NXPH1: variants seen among roughly 807,000 people sequenced by gnomAD.
The protein encoded by NXPH1 is neurexophilin 1, also known as neurexophilin-1.
Under a neutral mutation model 23.7 loss-of-function variants are expected in NXPH1, and 5 were observed. That is an observed-to-expected ratio of 0.21 (90% CI 0.11 to 0.44). NXPH1 has a LOEUF of 0.44. Among genes scored for constraint, NXPH1 ranks in the 20% least tolerant of loss-of-function variants. The pLI is 0.99. For missense variants in NXPH1, 324 were observed against 321.6 expected (o/e 1.01, Z -0.06); for synonymous variants, 144 against 122.2 (o/e 1.18, Z -1.18).
At chr7:8,717,211 T>G (rs1279325365) in intron 2 of NXPH1, among the ~76,000 whole-genome samples, 1 of 152,204 alleles carries the variant, frequency 6.6e-6, no homozygotes, top group Non-Finnish European at 1.5e-5. Flanking sequence ...GAGTTAAGTG[T>G]GTCTCTAGCT....
chr7:8,640,628 T>G (rs1289830881), intron 2 of NXPH1, among the ~76,000 whole-genome samples: 1 of 152,128 alleles, frequency 6.6e-6, no homozygotes, highest in Non-Finnish European at 1.5e-5. Flanking sequence ...TTCTTATTCT[T>G]TTAGATAAAA....
intron 2 of NXPH1, among the ~76,000 whole-genome samples, chr7:8,491,235 C>T (rs1317425251): frequency 6.6e-6 from 1 of 151,976 alleles, no homozygotes; most frequent in Non-Finnish European, 1.5e-5. Context: ...CATAATTTAT[C>T]CCTATCCTTG....
At chr7:8,461,870 A>C (rs1168963754) in intron 2 of NXPH1, among the ~76,000 whole-genome samples, 1 of 151,056 alleles carries the variant, frequency 6.6e-6, no homozygotes, top group Non-Finnish European at 1.5e-5. Context: ...ACACAAGTGC[A>C]TACATGCACA....
chr7:8,464,784 G>A (rs1276526678), intron 2 of NXPH1, among the ~76,000 whole-genome samples: 1 of 151,788 alleles, frequency 6.6e-6, no homozygotes, highest in East Asian at 1.9e-4. Flanking sequence ...TACTATTATT[G>A]ATAGCTTATC....
At chr7:8,453,244 T>C (rs956162377) in intron 2 of NXPH1, among the ~76,000 whole-genome samples, 2 of 152,140 alleles carry the variant, frequency 1.3e-5, no homozygotes, top group Admixed American at 6.6e-5. Flanking sequence ...CGTATTACCC[T>C]CTCCAATGAG....
At chr7:8,661,989 A>C (rs981198584) in intron 2 of NXPH1, among the ~76,000 whole-genome samples, 12 of 152,108 alleles carry the variant, frequency 7.9e-5, no homozygotes, top group Non-Finnish European at 7.4e-5. Flanking sequence ...AAGTAAATTA[A>C]CATATAAAGT....
At chr7:8,655,665 G>A (rs1379864418) in intron 2 of NXPH1, among the ~76,000 whole-genome samples, 2 of 151,952 alleles carry the variant, frequency 1.3e-5, no homozygotes, top group African/African-American at 4.8e-5. Context: ...TTCTTCATAG[G>A]ATACTGCCCT....
At chr7:8,705,447 T>C (rs944902806) in intron 2 of NXPH1, among the ~76,000 whole-genome samples, 1 of 152,166 alleles carries the variant, frequency 6.6e-6, no homozygotes, top group African/African-American at 2.4e-5. Context: ...AAAGTAGTAC[T>C]GCAACCCTAG....
At chr7:8,570,778 G>C (rs1324780751) in intron 2 of NXPH1, among the ~76,000 whole-genome samples, 1 of 151,752 alleles carries the variant, frequency 6.6e-6, no homozygotes, top group Admixed American at 6.6e-5. Context: ...TTAAAATGTG[G>C]GTCTTTGGAA....
intron 2 of NXPH1, among the ~76,000 whole-genome samples, chr7:8,641,694 C>CTTTCTATAATAG (rs1820316080): frequency 6.6e-6 from 1 of 152,112 alleles, no homozygotes; most frequent in African/African-American, 2.4e-5. Flanking sequence ...CACCACTCCT[C>CTTTCTATAATAG]TTTCTATAAT....
intron 2 of NXPH1, among the ~76,000 whole-genome samples, chr7:8,733,345 G>A (rs929395198): frequency 3.3e-5 from 5 of 152,172 alleles, no homozygotes; most frequent in African/African-American, 4.8e-5. Context: ...ACATATGCAT[G>A]TATGTGTCTT....
rs1231852547 is a variant in NXPH1 at position 8,435,333 on chromosome 7, T to G, written c.-110-271T>G. The G allele has an allele frequency of 3.3e-5, 11 of 334,666 alleles. No homozygotes were observed. Among genetic ancestry groups the G allele is most frequent in the African/African-American group, 1.5e-4 (7 of 45,932 alleles). 20.7% of individuals were successfully genotyped at this position (334,666 alleles called of 1,614,324 possible). A position where few individuals can be genotyped will look rare whatever the true frequency, so the allele number is the denominator to read the frequency against. On this transcript the variant is annotated intron_variant, in intron 1 of 2. Transcript: ENST00000405863. The surrounding 1 kb of genome is among the most constrained non-coding windows in gnomAD (Gnocchi z 5.9). Reference sequence around the variant, plus strand: ...CCGAACCAGCCTGCACGCGGCTCAGTGTGCTCCGCCGCCTGGGAACTCGCA... The same window carrying G: ...CCGAACCAGCCTGCACGCGGCTCAGGGTGCTCCGCCGCCTGGGAACTCGCA...
At chr7:8,574,289 T>C (rs1818709505) in intron 2 of NXPH1, among the ~76,000 whole-genome samples, 1 of 152,078 alleles carries the variant, frequency 6.6e-6, no homozygotes, top group Admixed American at 6.5e-5. Context: ...ATTAAAAACA[T>C]TTTTTTAAGA....
At chr7:8,568,076 A>G (rs1818578947) in intron 2 of NXPH1, among the ~76,000 whole-genome samples, 1 of 151,898 alleles carries the variant, frequency 6.6e-6, no homozygotes. Flanking sequence ...TATAACATAT[A>G]GCTTTAAAAT....
At chr7:8,523,314 C>G (rs929664923) in intron 2 of NXPH1, among the ~76,000 whole-genome samples, 6 of 152,192 alleles carry the variant, frequency 3.9e-5, no homozygotes, top group South Asian at 2.1e-4. Context: ...TTAATCTGAC[C>G]TCTTCTGGCA....
At position 8,649,311 on chromosome 7, in the gene NXPH1, G is replaced by A. The variant is rs538241446; in HGVS notation, c.55-101697G>A. 8.9e-5 allele frequency among the ~76,000 whole-genome samples: 8 copies of A among 90,276 alleles called. No individual in the cohort carries two copies. The South Asian group carries it at 3.2e-3, about 36-fold the overall frequency. The allele number at this position is 90,276 out of a possible 152,430, so 59.2% of individuals were successfully genotyped here. ...ATGGTATTTATCTCTCTCTTAAAAC[G>A]TATTTCTTTCCTTTTTTTGTATTCA... On this transcript the variant is annotated intron_variant, in intron 2 of 2. Coordinates refer to ENST00000405863, the MANE Select transcript of NXPH1 (RefSeq NM_152745.3).
intron 2 of NXPH1, among the ~76,000 whole-genome samples, chr7:8,575,498 G>A (rs1201928945): frequency 1.3e-5 from 2 of 152,150 alleles, no homozygotes; most frequent in Non-Finnish European, 2.9e-5. Flanking sequence ...TCTTTTAAAA[G>A]AGTTGAAGTA....
intron 2 of NXPH1, among the ~76,000 whole-genome samples, chr7:8,457,220 A>G (rs1816611461): frequency 6.6e-6 from 1 of 152,218 alleles, no homozygotes; most frequent in South Asian, 2.1e-4. Context: ...TTACTGTGCA[A>G]CCATTTTACA....
At chr7:8,460,815 C>A (rs1816681790) in intron 2 of NXPH1, among the ~76,000 whole-genome samples, 1 of 152,160 alleles carries the variant, frequency 6.6e-6, no homozygotes, top group African/African-American at 2.4e-5. Context: ...AATTATTCAA[C>A]AACAGTCAAA....
Sources: allele counts gnomAD v4.1 joint callset (sites outside exome capture counted in the v4.1 genomes callset), GRCh38; gene constraint gnomAD v4.1.1; non-coding constraint Gnocchi (gnomAD v3.1); transcripts MANE v1.5; gene names NCBI Gene and HGNC (gene_info 2026-07-23, HGNC 2026-07-21).